LTA: variants seen among roughly 807,000 people sequenced by gnomAD.
LTA encodes the protein lymphotoxin alpha, also known as lymphotoxin-alpha.
LTA carries 6 observed loss-of-function variants against 15.1 expected under a neutral mutation model. That is an observed-to-expected ratio of 0.40 (90% CI 0.22 to 0.78). The LOEUF (loss-of-function observed/expected upper bound fraction) is 0.78, where lower values mean the gene tolerates loss of function less well. Among genes scored for constraint, LTA ranks in the 30% least tolerant of loss-of-function variants. The probability of loss-of-function intolerance (pLI) is 0.38; values close to 1 mark genes in which losing one functional copy is unlikely to be tolerated. For synonymous variants in LTA, 87 were observed against 107.3 expected (o/e 0.81, Z 1.17); for missense variants, 173 against 249.5 (o/e 0.69, Z 2.06).
chr6:31,573,834 C>A lies in LTA; in HGVS notation c.*141C>A. The A allele has an allele frequency of 3.0e-6, 3 of 1,002,586 alleles. No homozygotes were observed. The highest frequency in any genetic ancestry group is 2.6e-5 in the East Asian group (1 of 39,018). 62.1% of individuals were successfully genotyped at this position (1,002,586 alleles called of 1,614,324 possible). A position where few individuals can be genotyped will look rare whatever the true frequency, so the allele number is the denominator to read the frequency against. ...CTCAAGTCTTCCCTGATCAAGTCACCGGAGCTTTCAAAGAAGGAATTCTAG... is the reference window on the plus strand; with the variant it reads ...CTCAAGTCTTCCCTGATCAAGTCACAGGAGCTTTCAAAGAAGGAATTCTAG... On this transcript the variant is annotated 3_prime_UTR_variant, in exon 4 of 4. Transcript: ENST00000418386.
chr6:31,567,228 G>C (rs1048156539), upstream of LTA, among the ~76,000 whole-genome samples: 12 of 151,920 alleles, frequency 7.9e-5, no homozygotes, highest in African/African-American at 2.7e-4. Context: ...CCAGGAGGCA[G>C]AGGTTGCAGT....
intron 3 of LTA, 101 bp from the exon 4 acceptor site, chr6:31,573,180 T>A (rs4647195): frequency 1.6e-5 from 17 of 1,035,910 alleles, no homozygotes; most frequent in Non-Finnish European, 2.0e-5. Flanking sequence ...CCCCCTGCCA[T>A]CCCCCAGGAA....
the LTA span, among the ~76,000 whole-genome samples, chr6:31,562,492 G>A: frequency 4.6e-5 from 7 of 152,138 alleles, no homozygotes; most frequent in African/African-American, 1.7e-4. Context: ...ACATTTGAGG[G>A]AGAAATATTC....
chr6:31,572,484 C>T, intron 1 of LTA, 38 bp downstream of exon 1: 1 of 574,480 alleles, frequency 1.7e-6, no homozygotes, highest in Non-Finnish European at 3.1e-6. Flanking sequence ...GTCTCTGACT[C>T]TCCATCTGTC....
upstream of LTA, among the ~76,000 whole-genome samples, chr6:31,570,132 C>A (rs1388373010): frequency 6.6e-6 from 1 of 152,172 alleles, no homozygotes; most frequent in Non-Finnish European, 1.5e-5. Flanking sequence ...TTATGCTTTT[C>A]TCTTGTTAAT....
upstream of LTA, among the ~76,000 whole-genome samples, chr6:31,567,888 C>T (rs1308790231): frequency 6.6e-6 from 1 of 152,122 alleles, no homozygotes; most frequent in Non-Finnish European, 1.5e-5. Context: ...CTTGGTTCCG[C>T]CTTCCAGCCT....
In LTA at chr6:31,573,300, C is replaced by G. The variant is rs756209861; in HGVS notation, c.225C>G (p.Asn75Lys). 6.2e-7 allele frequency: 1 copy of G among 1,613,210 alleles called. No individual in the cohort carries two copies. ...TCCTAGGAGACCCCAGCAAGCAGAA[C>G]TCACTGCTCTGGAGAGCAAACACGG... The part of the protein sequence containing the change: ...AHLIGDPSKQ[N>K]SLLWRANTDR... Residue 75 changes from asparagine (N) to lysine (K), a missense_variant, in exon 4 of 4, where the codon AAC becomes AAG. By Grantham distance (94) the Asn-to-Lys change is moderately conservative. Transcript: ENST00000418386.
upstream of LTA, among the ~76,000 whole-genome samples, chr6:31,571,115 C>G (rs1770812008): frequency 6.7e-6 from 1 of 148,722 alleles, no homozygotes; most frequent in Admixed American, 6.8e-5. Context: ...GGCTGGAATA[C>G]AGTGGTGCGA....
At chr6:31,565,922 A>G in the LTA span, among the ~76,000 whole-genome samples, 2 of 152,086 alleles carry the variant, frequency 1.3e-5, no homozygotes, top group African/African-American at 4.8e-5. Context: ...GGCTATGCCT[A>G]TAATCCCAGC....
At chr6:31,564,456 T>C in the LTA span, among the ~76,000 whole-genome samples, 2 of 152,002 alleles carry the variant, frequency 1.3e-5, no homozygotes, top group Non-Finnish European at 2.9e-5. Flanking sequence ...ATTTTGTTTT[T>C]GTATTTTTAG....
upstream of LTA, among the ~76,000 whole-genome samples, chr6:31,571,061 CTT>C (rs9279358): frequency 0.16 from 21,574 of 134,214 alleles, 1,523 homozygotes; most frequent in South Asian, 0.25. Context: ...ATTTTGGAAA[CTT>C]TTTTTTTTTT....
At chr6:31,571,022 TAA>T (rs1562472961), upstream of LTA, among the ~76,000 whole-genome samples, 2 of 151,436 alleles carry the variant, frequency 1.3e-5, no homozygotes, top group Non-Finnish European at 2.9e-5. Flanking sequence ...ACCTCATACC[TAA>T]GTTACATATC....
intron 3 of LTA, 95 bp from the exon 4 acceptor site, chr6:31,573,186 A>G: frequency 8.2e-7 from 1 of 1,216,382 alleles, no homozygotes. Context: ...GCCATCCCCC[A>G]GGAACTCAGT....
upstream of LTA, among the ~76,000 whole-genome samples, chr6:31,570,125 T>C (rs1446976006): frequency 2.6e-5 from 4 of 152,258 alleles, no homozygotes; most frequent in Admixed American, 6.5e-5. Flanking sequence ...AAATGTATTA[T>C]GCTTTTCTCT....
At chr6:31,561,062 A>T in the LTA span, among the ~76,000 whole-genome samples, 1 of 152,178 alleles carries the variant, frequency 6.6e-6, no homozygotes, top group Non-Finnish European at 1.5e-5. Context: ...AGGTGGATGG[A>T]AAGGTTCCAT....
chr6:31,564,005 G>A, the LTA span, among the ~76,000 whole-genome samples: 93 of 152,316 alleles, frequency 6.1e-4, 1 homozygote, highest in Middle Eastern at 3.4e-3. Flanking sequence ...AGAAGCAGCC[G>A]GAAGTCTTGG....
Position 31,572,778 on chromosome 6 carries a change from G to A in LTA, c.36G>A (p.Val12=). ...TPPERLFLPR[V]CGTTLHLLLL... is the part of the protein sequence containing the mutation. ...CTGAACGTCTCTTCCTCCCAAGGGT[G>A]TGTGGCACCACCCTACACCTCCTCC... Residue 12 remains valine (V), a synonymous_variant, in exon 2 of 4, where the codon GTG becomes GTA. Transcript: ENST00000418386. 1 of 1,610,830 alleles carries A rather than the reference G, an allele frequency of 6.2e-7. No individual in the cohort carries two copies. Among genetic ancestry groups the A allele is most frequent in the Non-Finnish European group, 8.5e-7 (1 of 1,179,792 alleles).
At chr6:31,566,424 CTTGAAG>C in the LTA span, among the ~76,000 whole-genome samples, 1 of 152,044 alleles carries the variant, frequency 6.6e-6, no homozygotes, top group Non-Finnish European at 1.5e-5. Flanking sequence ...AGGCGGATCA[CTTGAAG>C]TCAGGAGTTC....
upstream of LTA, among the ~76,000 whole-genome samples, chr6:31,567,764 G>A (rs1284464719): frequency 6.6e-6 from 1 of 151,596 alleles, no homozygotes; most frequent in Non-Finnish European, 1.5e-5. Context: ...CTTCTTGCAT[G>A]GCCCTGCATG....
Sources: gnomAD v4.1 joint callset for allele counts (sites outside exome capture counted in the v4.1 genomes callset) on GRCh38, gnomAD v4.1.1 for gene constraint, MANE v1.5 for transcripts, NCBI Gene and HGNC (gene_info 2026-07-23, HGNC 2026-07-21) for gene names.